MYT1L: variants seen among roughly 807,000 people sequenced by gnomAD.
The protein encoded by MYT1L is myelin transcription factor 1-like protein.
MYT1L carries 12 observed loss-of-function variants against 126.7 expected under a neutral mutation model. The observed-to-expected ratio is 0.09, with a 90% CI of 0.06 to 0.15. The LOEUF (loss-of-function observed/expected upper bound fraction) is 0.15, where lower values mean the gene tolerates loss of function less well. Ranked by LOEUF, MYT1L falls within the 10% of genes least tolerant of loss-of-function variation. The pLI is 1.00. For missense variants in MYT1L, 979 were observed against 1,585.2 expected (o/e 0.62, Z 6.49); for synonymous variants, 541 against 604.2 (o/e 0.90, Z 1.53).
chr2:2,229,904 TATTA>T (rs2094120867), intron 2 of MYT1L, among the ~76,000 whole-genome samples: 1 of 152,258 alleles, frequency 6.6e-6, no homozygotes, highest in African/African-American at 2.4e-5. Flanking sequence ...TTTACAATTT[TATTA>T]TTTATAAATC....
chr2:2,195,612 A>G (rs1423270453), intron 2 of MYT1L, among the ~76,000 whole-genome samples: 1 of 152,236 alleles, frequency 6.6e-6, no homozygotes, highest in East Asian at 1.9e-4. Context: ...CAATAGAAAC[A>G]AATACATTGA....
chr2:1,959,383 A>T (rs2149375143), intron 8 of MYT1L, among the ~76,000 whole-genome samples: 1 of 152,188 alleles, frequency 6.6e-6, no homozygotes, highest in East Asian at 1.9e-4. Context: ...GACCGTCTGG[A>T]TGTGAAAGTC....
chr2:2,226,807 C>T (rs576373766), intron 2 of MYT1L, among the ~76,000 whole-genome samples: 17 of 152,322 alleles, frequency 1.1e-4, no homozygotes, highest in Non-Finnish European at 2.1e-4. Context: ...TCTGGAATGA[C>T]TTTCCCAACA....
At chr2:2,058,548 A>C (rs1198948409) in intron 3 of MYT1L, among the ~76,000 whole-genome samples, 1 of 152,246 alleles carries the variant, frequency 6.6e-6, no homozygotes, top group East Asian at 1.9e-4. Context: ...TTTGCTATCT[A>C]ACTTATTTGT....
chr2:2,096,906 G>C (rs1426717165), intron 3 of MYT1L, among the ~76,000 whole-genome samples: 1 of 152,182 alleles, frequency 6.6e-6, no homozygotes, highest in Non-Finnish European at 1.5e-5. Context: ...CTGTGAGACT[G>C]ACATGGGAGC....
chr2:2,312,574 T>A (rs903912593), intron 1 of MYT1L, among the ~76,000 whole-genome samples: 1 of 152,080 alleles, frequency 6.6e-6, no homozygotes, highest in African/African-American at 2.4e-5. Flanking sequence ...GATTGCACCA[T>A]GGCACTCCAG....
intron 18 of MYT1L, among the ~76,000 whole-genome samples, chr2:1,860,464 A>G (rs916628003): frequency 2.0e-5 from 3 of 152,144 alleles, no homozygotes; most frequent in African/African-American, 7.2e-5. Flanking sequence ...CCCCAATTCC[A>G]CATGCAAAGG....
At chr2:2,026,087 C>T (rs957607659) in intron 4 of MYT1L, among the ~76,000 whole-genome samples, 1 of 152,232 alleles carries the variant, frequency 6.6e-6, no homozygotes, top group Non-Finnish European at 1.5e-5. Flanking sequence ...ATGTGCCATG[C>T]TCTAGTTAGG....
intron 19 of MYT1L, among the ~76,000 whole-genome samples, chr2:1,849,980 GT>G (rs2042997903): frequency 7.0e-6 from 1 of 143,432 alleles, no homozygotes; most frequent in African/African-American, 2.6e-5. Flanking sequence ...CAGATAGCAG[GT>G]TTCACTCAGC....
intron 3 of MYT1L, among the ~76,000 whole-genome samples, chr2:2,161,807 G>A (rs2087982955): frequency 6.6e-6 from 1 of 152,016 alleles, no homozygotes; most frequent in Non-Finnish European, 1.5e-5. Flanking sequence ...GAATTTGTGG[G>A]GTACTTATTA....
intron 4 of MYT1L, among the ~76,000 whole-genome samples, chr2:2,011,251 C>T (rs2063790385): frequency 6.6e-6 from 1 of 151,916 alleles, no homozygotes; most frequent in South Asian, 2.1e-4. Context: ...ATTAGCCAGG[C>T]ATGGTGGCAT....
intron 2 of MYT1L, among the ~76,000 whole-genome samples, chr2:2,263,591 C>A (rs1168393640): frequency 1.3e-5 from 2 of 152,298 alleles, no homozygotes; most frequent in Non-Finnish European, 2.9e-5. Flanking sequence ...TGCTGCCCTC[C>A]TCTGCCTTTA....
At chr2:2,105,921 G>A (rs1559027044) in intron 3 of MYT1L, among the ~76,000 whole-genome samples, 1 of 152,200 alleles carries the variant, frequency 6.6e-6, no homozygotes, top group Non-Finnish European at 1.5e-5. Context: ...AAATATGTGT[G>A]ATGCATTTTT....
chr2:1,982,495 A>G (rs2060685875), intron 5 of MYT1L, among the ~76,000 whole-genome samples: 1 of 152,192 alleles, frequency 6.6e-6, no homozygotes, highest in African/African-American at 2.4e-5. Flanking sequence ...CCATTGGATG[A>G]GGATTAGGAA....
intron 11 of MYT1L, among the ~76,000 whole-genome samples, chr2:1,916,926 A>C (rs888710464): frequency 2.0e-5 from 3 of 152,216 alleles, no homozygotes; most frequent in Non-Finnish European, 2.9e-5. Context: ...AACCTGCCCA[A>C]GGTCACAGAG....
chr2:2,216,311 A>G, intron 2 of MYT1L, among the ~76,000 whole-genome samples: 1 of 152,224 alleles, frequency 6.6e-6, no homozygotes, highest in East Asian at 1.9e-4. Flanking sequence ...ATACAAGTAC[A>G]TGTTTCGACC....
intron 2 of MYT1L, among the ~76,000 whole-genome samples, chr2:2,225,024 T>C (rs2093972858): frequency 1.3e-5 from 2 of 152,080 alleles, no homozygotes; most frequent in African/African-American, 2.4e-5. Flanking sequence ...GTTTTTATTT[T>C]GTACTGGGTC....
chr2:2,118,653 C>T (rs1349055687), intron 3 of MYT1L, among the ~76,000 whole-genome samples: 1 of 152,098 alleles, frequency 6.6e-6, no homozygotes, highest in Non-Finnish European at 1.5e-5. Context: ...AAGGATAGTG[C>T]CTTGGATACT....
chr2:1,869,768 A>T (rs1328750820), intron 18 of MYT1L, among the ~76,000 whole-genome samples: 1 of 152,138 alleles, frequency 6.6e-6, no homozygotes, highest in East Asian at 1.9e-4. Context: ...CCAGTTTCAG[A>T]AAGAAGTTGA....
Sources: allele counts gnomAD v4.1 joint callset (sites outside exome capture counted in the v4.1 genomes callset), GRCh38; gene constraint gnomAD v4.1.1; transcripts MANE v1.5; gene names NCBI Gene and HGNC (gene_info 2026-07-23, HGNC 2026-07-21).